The following CYP20A1 variants were observed in gnomAD, a reference collection of about 807,000 sequenced individuals.
CYP20A1 encodes cytochrome P450 family 20 subfamily A member 1.
CYP20A1 carries 61 observed loss-of-function variants against 61.4 expected under a neutral mutation model. The observed-to-expected ratio is 0.99, with a 90% CI of 0.81 to 1.23. The LOEUF is 1.23. CYP20A1 is among the 50% of genes most tolerant of loss of function. CYP20A1 has a pLI of 0.00. For synonymous variants in CYP20A1, 193 were observed against 188.2 expected (o/e 1.03, Z -0.21); for missense variants, 530 against 542.4 (o/e 0.98, Z 0.23).
intron 9 of CYP20A1, among the ~76,000 whole-genome samples, chr2:203,287,361 C>T (rs987239557): frequency 2.0e-5 from 3 of 151,390 alleles, no homozygotes; most frequent in Non-Finnish European, 2.9e-5. Flanking sequence ...TTTATCATAC[C>T]GAAGTGTATG....
rs1044543283 is a variant in CYP20A1, at chr2:203,239,222, C to T, written c.72+88C>T. The T allele has an allele frequency of 4.3e-6, 5 of 1,150,998 alleles. No homozygotes were observed. In the African/African-American group the frequency reaches 6.1e-5, roughly 14 times the overall value. The allele number at this position is 1,150,998 out of a possible 1,614,324, so 71.3% of individuals were successfully genotyped here. ...CCAGGCCAACCTGCCCGCTGCGGGC[C>T]GCAGGGGGCGGGCCTGAGAGGAGGG... is the stretch of plus-strand genomic sequence containing the variant. On this transcript the variant is annotated intron_variant, in intron 1 of 12. Transcript: ENST00000356079.
In CYP20A1 at chr2:203,305,102, A is replaced by G. The variant is rs1169849383; in HGVS notation, c.*8194A>G. 6.6e-6 allele frequency among the ~76,000 whole-genome samples: 1 copy of G among 151,410 alleles called. No homozygotes were observed. Among genetic ancestry groups the G allele is most frequent in the Non-Finnish European group, 1.5e-5 (1 of 67,954 alleles). On this transcript the variant is annotated 3_prime_UTR_variant, in exon 13 of 13. Transcript: ENST00000356079. ...AATTGTAAAGTTTGAGTTGGGACCC[A>G]TTTTTTAAGACATTCAGGCTATAAA...
chr2:203,242,450 T>C (rs74565806), intron 1 of CYP20A1, among the ~76,000 whole-genome samples: 231 of 152,248 alleles, frequency 1.5e-3, no homozygotes, highest in African/African-American at 5.3e-3. Flanking sequence ...GAAATTACAT[T>C]ATGCTGATGA....
chr2:203,252,140 C>G, intron 4 of CYP20A1, 31 bp downstream of exon 4: 1 of 1,534,276 alleles, frequency 6.5e-7, no homozygotes, highest in Admixed American at 1.8e-5. Context: ...GTCTAGTGTT[C>G]TACAACATAA....
At chr2:203,239,250 C>G (rs1350298849) in intron 1 of CYP20A1, 116 bp downstream of exon 1, 16 of 870,886 alleles carry the variant, frequency 1.8e-5, no homozygotes, top group Non-Finnish European at 2.4e-5. Context: ...GAGGAGGGTT[C>G]GGGTTCGCTC....
intron 3 of CYP20A1, among the ~76,000 whole-genome samples, chr2:203,249,475 A>C (rs886188946): frequency 1.1e-4 from 16 of 152,228 alleles, no homozygotes; most frequent in African/African-American, 3.4e-4. Context: ...AAAAGGCACC[A>C]TGACAAAATT....
intron 3 of CYP20A1, among the ~76,000 whole-genome samples, chr2:203,248,359 C>T (rs2066535192): frequency 6.6e-6 from 1 of 152,114 alleles, no homozygotes; most frequent in South Asian, 2.1e-4. Flanking sequence ...CATGGTAAAA[C>T]CCTGTCGCTA....
intron 8 of CYP20A1, among the ~76,000 whole-genome samples, chr2:203,282,157 C>T (rs1431969114): frequency 6.6e-6 from 1 of 150,782 alleles, no homozygotes; most frequent in Non-Finnish European, 1.5e-5. Flanking sequence ...CCTGCCTTAG[C>T]CCCCTGAGTA....
rs1329757026 is a variant in CYP20A1 at position 203,302,785 on chromosome 2, C to T, written c.*5877C>T. 6.6e-6 allele frequency among the ~76,000 whole-genome samples: 1 copy of T among 152,000 alleles called. No individual in the cohort carries two copies. Among genetic ancestry groups the T allele is most frequent in the Admixed American group, 6.6e-5 (1 of 15,236 alleles). On this transcript the variant is annotated 3_prime_UTR_variant, in exon 13 of 13. Transcript: ENST00000356079. ...TCGGCTCACTGCAACCTCTGCCTCC[C>T]AGGTTCAAGCGATTCTCTTGCCTCA...
intron 1 of CYP20A1, among the ~76,000 whole-genome samples, chr2:203,242,516 G>A (rs1344835958): frequency 1.3e-5 from 2 of 152,124 alleles, no homozygotes; most frequent in African/African-American, 4.8e-5. Context: ...TGGCCAGCAC[G>A]GTGACTCAAG....
intron 3 of CYP20A1, among the ~76,000 whole-genome samples, chr2:203,249,045 A>G (rs908351990): frequency 2.0e-5 from 3 of 152,214 alleles, no homozygotes; most frequent in Non-Finnish European, 2.9e-5. Flanking sequence ...TAAATTCTAG[A>G]TGATTAAAAT....
At chr2:203,266,765 G>T in intron 5 of CYP20A1, 84 bp downstream of exon 5, 1 of 1,168,240 alleles carries the variant, frequency 8.6e-7, no homozygotes. Context: ...TTGGGAGGCT[G>T]CAGTCAGGAG....
At chr2:203,294,231 A>G (rs1033067498) in intron 11 of CYP20A1, among the ~76,000 whole-genome samples, 1 of 151,858 alleles carries the variant, frequency 6.6e-6, no homozygotes, top group Non-Finnish European at 1.5e-5. Flanking sequence ...TGGTCTTGGA[A>G]TAAGCAAGAC....
At chr2:203,274,986 T>C (rs1026355987) in intron 6 of CYP20A1, among the ~76,000 whole-genome samples, 1 of 152,202 alleles carries the variant, frequency 6.6e-6, no homozygotes, top group Admixed American at 6.6e-5. Context: ...TTATTAGAAA[T>C]GATTATGTTC....
intron 8 of CYP20A1, among the ~76,000 whole-genome samples, chr2:203,281,316 G>A (rs1018319214): frequency 3.9e-5 from 6 of 152,076 alleles, no homozygotes; most frequent in African/African-American, 1.4e-4. Context: ...GGACCAGCCT[G>A]GGCAACACAG....
At chr2:203,267,568 G>A (rs371800733) in intron 5 of CYP20A1, among the ~76,000 whole-genome samples, 17 of 151,932 alleles carry the variant, frequency 1.1e-4, no homozygotes, top group Admixed American at 2.0e-4. Flanking sequence ...ATCTTGGCCG[G>A]GCGTGGTGGC....
At chr2:203,241,398 A>T (rs2066249620) in intron 1 of CYP20A1, among the ~76,000 whole-genome samples, 1 of 152,210 alleles carries the variant, frequency 6.6e-6, no homozygotes, top group South Asian at 2.1e-4. Flanking sequence ...CAATGTATAG[A>T]TGGTATTTAA....
At chr2:203,274,572 A>G (rs1371736158) in intron 6 of CYP20A1, among the ~76,000 whole-genome samples, 1 of 152,102 alleles carries the variant, frequency 6.6e-6, no homozygotes, top group Non-Finnish European at 1.5e-5. Context: ...AGAATACTGG[A>G]TTGTTTTCTA....
rs1460680767 is a variant in CYP20A1 at position 203,299,388 on chromosome 2, C to A, written c.*2480C>A. ...CAGTGAGCTGTGATCACACCACTGC[C>A]CTCAGCCAAACCTGAGTGATAAAGT... On this transcript the variant is annotated 3_prime_UTR_variant, in exon 13 of 13. Coordinates refer to ENST00000356079, the MANE Select transcript of CYP20A1 (RefSeq NM_177538.3). 1.3e-5 allele frequency among the ~76,000 whole-genome samples: 2 copies of A among 151,870 alleles called. No individual in the cohort carries two copies. Among genetic ancestry groups the A allele is most frequent in the Non-Finnish European group, 2.9e-5 (2 of 67,974 alleles).
Sources: gnomAD v4.1 joint callset for allele counts (sites outside exome capture counted in the v4.1 genomes callset) on GRCh38, gnomAD v4.1.1 for gene constraint, MANE v1.5 for transcripts, NCBI Gene and HGNC (gene_info 2026-07-23, HGNC 2026-07-21) for gene names.